CAST: variants seen among roughly 807,000 people sequenced by gnomAD.
CAST encodes the protein MIR583 host.
A neutral mutation model predicts 119.6 loss-of-function variants in CAST; 76 were observed. The ratio of observed to expected loss-of-function variants is 0.64; its 90% CI spans 0.53 to 0.77. The LOEUF is 0.77. Among genes scored for constraint, CAST ranks in the 30% least tolerant of loss-of-function variants. The pLI is 0.00. For missense variants in CAST, 953 were observed against 946.5 expected, an observed-to-expected ratio of 1.01 and a Z score of -0.09; for synonymous variants, 319 against 331.6, an observed-to-expected ratio of 0.96 and a Z score of 0.41.
intron 1 of CAST, among the ~76,000 whole-genome samples, chr5:96,563,290 A>G (rs1171234387): frequency 2.0e-5 from 3 of 152,106 alleles, no homozygotes; most frequent in African/African-American, 7.2e-5. Context: ...TATTAAATAC[A>G]TGTGTATTAT....
chr5:96,410,921 A>G, the CAST span: 3 of 1,614,002 alleles, frequency 1.9e-6, no homozygotes, highest in Non-Finnish European at 2.5e-6. Flanking sequence ...CACAGTCACA[A>G]TTATCTCCCT....
chr5:96,700,898 C>T (rs1475839755), intron 3 of CAST, among the ~76,000 whole-genome samples: 1 of 152,010 alleles, frequency 6.6e-6, no homozygotes, highest in East Asian at 1.9e-4. Context: ...CCTTTTTCCA[C>T]CTGACTTACA....
At chr5:96,669,332 C>A (rs1480087036) in intron 1 of CAST, among the ~76,000 whole-genome samples, 1 of 152,164 alleles carries the variant, frequency 6.6e-6, no homozygotes, top group Non-Finnish European at 1.5e-5. Flanking sequence ...ATTTTTCAAG[C>A]TACCTTCTTG....
chr5:96,562,532 G>T (rs770929784), intron 1 of CAST, among the ~76,000 whole-genome samples: 7 of 152,116 alleles, frequency 4.6e-5, no homozygotes, highest in Non-Finnish European at 1.0e-4. Flanking sequence ...TACTGGGCGG[G>T]AGTACAAAAT....
At chr5:96,289,722 C>T in the CAST span, among the ~76,000 whole-genome samples, 3 of 152,106 alleles carry the variant, frequency 2.0e-5, no homozygotes, top group African/African-American at 7.2e-5. Context: ...TAAATATCCT[C>T]GGGTAAGTTA....
upstream of CAST, among the ~76,000 whole-genome samples, chr5:96,661,761 T>C (rs561812208): frequency 1.1e-3 from 163 of 152,344 alleles, 2 homozygotes; most frequent in South Asian, 0.032. Context: ...CCGTTTTGCA[T>C]TGGAACCTAT....
the CAST span, among the ~76,000 whole-genome samples, chr5:96,249,671 T>C: frequency 2.6e-5 from 4 of 152,186 alleles, no homozygotes; most frequent in Admixed American, 2.6e-4. Context: ...GTTAGCTAGA[T>C]TAAACACAAT....
chr5:96,263,501 C>T, the CAST span, among the ~76,000 whole-genome samples: 5 of 151,936 alleles, frequency 3.3e-5, no homozygotes, highest in African/African-American at 4.8e-5. Flanking sequence ...GTTCTCCATT[C>T]AACAATCACC....
At chr5:96,238,859 A>G in the CAST span, among the ~76,000 whole-genome samples, 2 of 152,198 alleles carry the variant, frequency 1.3e-5, no homozygotes, top group African/African-American at 4.8e-5. Context: ...GTAGAAACCA[A>G]CAATATGTTG....
the CAST span, among the ~76,000 whole-genome samples, chr5:96,225,506 G>A: frequency 2.0e-5 from 3 of 152,080 alleles, no homozygotes; most frequent in Admixed American, 2.0e-4. Context: ...AATAAAGACT[G>A]GAAAAAGCTC....
chr5:96,110,713 G>C, the CAST span, among the ~76,000 whole-genome samples: 1 of 152,190 alleles, frequency 6.6e-6, no homozygotes, highest in South Asian at 2.1e-4. Flanking sequence ...CTGCCTAGGT[G>C]ATTAGGGAAG....
At chr5:96,368,807 A>T in the CAST span, among the ~76,000 whole-genome samples, 1 of 152,104 alleles carries the variant, frequency 6.6e-6, no homozygotes, top group Non-Finnish European at 1.5e-5. Context: ...TGTTTTTGAA[A>T]TCTTGCTTGT....
chr5:96,740,932 G>A (rs1762536858), intron 13 of CAST, 149 bp downstream of exon 13: 2 of 640,862 alleles, frequency 3.1e-6, no homozygotes, highest in South Asian at 3.9e-5. Flanking sequence ...AAAGGGGTTG[G>A]TGGGAGGGTT....
the CAST span, among the ~76,000 whole-genome samples, chr5:96,306,747 A>G: frequency 6.6e-6 from 1 of 152,082 alleles, no homozygotes; most frequent in Non-Finnish European, 1.5e-5. Flanking sequence ...GTTTTTATGT[A>G]ATTGTGTGGT....
the CAST span, among the ~76,000 whole-genome samples, chr5:96,481,696 C>T: frequency 5.9e-5 from 9 of 152,244 alleles, no homozygotes; most frequent in Admixed American, 1.3e-4. Flanking sequence ...ATCTGGAGAA[C>T]ACATGAAAAG....
At chr5:96,706,007 TACCATGAGC>T (rs1754893631) in intron 3 of CAST, among the ~76,000 whole-genome samples, 1 of 152,238 alleles carries the variant, frequency 6.6e-6, no homozygotes, top group Non-Finnish European at 1.5e-5. Flanking sequence ...ACTTTTACTA[TACCATGAGC>T]CCCTTAAAGA....
chr5:96,119,181 T>C, the CAST span, among the ~76,000 whole-genome samples: 15 of 152,132 alleles, frequency 9.9e-5, no homozygotes, highest in African/African-American at 3.4e-4. Context: ...AGTCAAGGGA[T>C]CTCTATTGAG....
chr5:96,647,047 C>T (rs1580857409), intron 1 of CAST, among the ~76,000 whole-genome samples: 1 of 152,214 alleles, frequency 6.6e-6, no homozygotes, highest in East Asian at 1.9e-4. Flanking sequence ...ATTTTTGTTT[C>T]TATAAGTGGC....
chr5:96,315,128 CTT>C, the CAST span, among the ~76,000 whole-genome samples: 1 of 152,270 alleles, frequency 6.6e-6, no homozygotes, highest in Non-Finnish European at 1.5e-5. Flanking sequence ...TTCTGTGACT[CTT>C]GTCTCCATTG....
Sources: gnomAD v4.1 joint callset for allele counts (sites outside exome capture counted in the v4.1 genomes callset) on GRCh38, gnomAD v4.1.1 for gene constraint, MANE v1.5 for transcripts, NCBI Gene and HGNC (gene_info 2026-07-23, HGNC 2026-07-21) for gene names.